Variants in SYN3 observed in about 807,000 individuals in gnomAD.
SYN3 encodes the protein synapsin III.
Under a neutral mutation model 65.8 loss-of-function variants are expected in SYN3, and 35 were observed. That is an observed-to-expected ratio of 0.53 (90% confidence interval 0.41 to 0.70). The LOEUF is 0.70. SYN3 is among the 30% of genes least tolerant of loss of function. The pLI is 0.00. For synonymous variants in SYN3, 270 were observed against 292.9 expected, an observed-to-expected ratio of 0.92 and a Z score of 0.80; for missense variants, 680 against 749.0, an observed-to-expected ratio of 0.91 and a Z score of 1.08.
At position 33,006,595 on chromosome 22, in the gene SYN3, G is replaced by T. The variant is rs112551420; in HGVS notation, c.68C>A (p.Thr23Lys). The T allele has an allele frequency of 9.0e-5, 145 of 1,612,506 alleles. No individual in the cohort carries two copies. Among genetic ancestry groups the T allele is most frequent in the Non-Finnish European group, 1.2e-4 (137 of 1,179,320 alleles). The change falls in exon 2 of 14, where the codon ACG becomes AAG. Residue 23 changes from threonine (T) to lysine (K), a missense_variant. Coordinates refer to ENST00000358763, the MANE Select transcript of SYN3 (RefSeq NM_003490.4). Reference sequence around the variant, plus strand: ...GGAGCTATCTGGGCGTTGCAGGTCCGTCATATAGCCATTAGGCAGGTTGGC... The same window carrying T: ...GGAGCTATCTGGGCGTTGCAGGTCCTTCATATAGCCATTAGGCAGGTTGGC... ...FMANLPNGYM[T>K]DLQRPDSSTS... is the part of the protein sequence containing the mutation.
At chr22:32,636,096 G>A (rs1601809522) in intron 6 of SYN3, among the ~76,000 whole-genome samples, 1 of 152,102 alleles carries the variant, frequency 6.6e-6, no homozygotes, top group Non-Finnish European at 1.5e-5. Context: ...ACCCTGACAA[G>A]GACTGTTAGA....
At chr22:33,027,146 A>G (rs1472873700) in intron 1 of SYN3, among the ~76,000 whole-genome samples, 1 of 152,184 alleles carries the variant, frequency 6.6e-6, no homozygotes, top group Non-Finnish European at 1.5e-5. Flanking sequence ...AGTGTTTCCA[A>G]TGTCAAATTC....
At chr22:32,617,165 C>A (rs1231979811) in intron 6 of SYN3, among the ~76,000 whole-genome samples, 1 of 152,174 alleles carries the variant, frequency 6.6e-6, no homozygotes, top group African/African-American at 2.4e-5. Context: ...GCTTGTTAAA[C>A]GTGCACATTA....
At chr22:32,635,836 CTGAGT>C (rs1436692085) in intron 6 of SYN3, among the ~76,000 whole-genome samples, 2 of 152,112 alleles carry the variant, frequency 1.3e-5, no homozygotes, top group Non-Finnish European at 2.9e-5. Context: ...TTTGTTTTAA[CTGAGT>C]TAACTTTTTT....
At chr22:32,592,572 C>T (rs1224322344) in intron 7 of SYN3, among the ~76,000 whole-genome samples, 1 of 152,016 alleles carries the variant, frequency 6.6e-6, no homozygotes, top group Non-Finnish European at 1.5e-5. Context: ...CCAGGCACAC[C>T]CAATCACATG....
rs533677701 is a variant in SYN3 at position 33,057,147 on chromosome 22, C to A, written c.-163+1145G>T. Reference sequence around the variant, plus strand: ...GTATTTGCAGCCAAGGACCAGAAAACAACTACAACTTACCAGCTTTCTGAT... The same window carrying A: ...GTATTTGCAGCCAAGGACCAGAAAAAAACTACAACTTACCAGCTTTCTGAT... On this transcript the variant is annotated intron_variant, in intron 1 of 13. Coordinates refer to ENST00000358763, the MANE Select transcript of SYN3 (RefSeq NM_003490.4). 2.7e-3 allele frequency among the ~76,000 whole-genome samples: 415 copies of A among 152,320 alleles called. 1 individual carries two copies. The highest frequency in any genetic ancestry group is 9.7e-3 in the African/African-American group (405 of 41,582).
chr22:32,596,645 A>G (rs1254033129), intron 7 of SYN3, 29 bp downstream of exon 7: 1 of 1,612,448 alleles, frequency 6.2e-7, no homozygotes, highest in Non-Finnish European at 8.5e-7. Context: ...GGGTGTGTCC[A>G]CTGTGAGTGG....
At chr22:32,822,936 A>C (rs370389662) in intron 6 of SYN3, among the ~76,000 whole-genome samples, 1 of 151,266 alleles carries the variant, frequency 6.6e-6, no homozygotes, top group African/African-American at 2.4e-5. Flanking sequence ...CAACAAAAAA[A>C]AAACAGAGAG....
chr22:32,870,674 C>G (rs145954167), intron 4 of SYN3, among the ~76,000 whole-genome samples: 104 of 152,302 alleles, frequency 6.8e-4, no homozygotes, highest in African/African-American at 2.3e-3. Flanking sequence ...CTCACCAGCA[C>G]TGCAGTTTTT....
intron 6 of SYN3, among the ~76,000 whole-genome samples, chr22:32,812,807 T>G (rs2046950285): frequency 6.6e-6 from 1 of 152,236 alleles, no homozygotes; most frequent in Non-Finnish European, 1.5e-5. Context: ...GGGCAGTCAC[T>G]ATCTGCTCCC....
chr22:32,558,800 C>G (rs117032903), intron 7 of SYN3, among the ~76,000 whole-genome samples: 1 of 152,228 alleles, frequency 6.6e-6, no homozygotes, highest in Non-Finnish European at 1.5e-5. Flanking sequence ...CCAAGGCAGA[C>G]TGTGCCAGGG....
chr22:32,954,842 G>A (rs1601777130), intron 3 of SYN3, among the ~76,000 whole-genome samples: 1 of 140,800 alleles, frequency 7.1e-6, no homozygotes, highest in Admixed American at 7.1e-5. Flanking sequence ...TTCTGTAAAT[G>A]TTTTTTTTTT....
intron 6 of SYN3, among the ~76,000 whole-genome samples, chr22:32,798,772 A>G (rs911546230): frequency 6.7e-6 from 1 of 148,500 alleles, no homozygotes; most frequent in Non-Finnish European, 1.5e-5. Context: ...GCTCACTGCA[A>G]GCTCCGCCTC....
At chr22:33,048,092 G>A (rs988038323) in intron 1 of SYN3, among the ~76,000 whole-genome samples, 1 of 152,090 alleles carries the variant, frequency 6.6e-6, no homozygotes, top group Non-Finnish European at 1.5e-5. Context: ...CCAACACCTG[G>A]ACACTAGTGG....
At chr22:32,956,062 A>ATATATATATAT (rs58485646) in intron 3 of SYN3, among the ~76,000 whole-genome samples, 10 of 144,898 alleles carry the variant, frequency 6.9e-5, no homozygotes, top group South Asian at 2.2e-4. Flanking sequence ...ATATATATAT[A>ATATATATATAT]AAATCTCCTA....
chr22:32,983,791 C>T (rs564732440), intron 2 of SYN3, among the ~76,000 whole-genome samples: 7 of 152,186 alleles, frequency 4.6e-5, no homozygotes, highest in Admixed American at 2.0e-4. Context: ...TGGGGCAAAG[C>T]GACAAATGGA....
chr22:32,828,129 C>T (rs1209460544), intron 6 of SYN3, among the ~76,000 whole-genome samples: 1 of 152,240 alleles, frequency 6.6e-6, no homozygotes, highest in Non-Finnish European at 1.5e-5. Flanking sequence ...GAAACTCTAA[C>T]ATTTGTTAAA....
chr22:32,958,706 T>G (rs1189314492), intron 3 of SYN3, among the ~76,000 whole-genome samples: 1 of 152,144 alleles, frequency 6.6e-6, no homozygotes, highest in Admixed American at 6.5e-5. Flanking sequence ...TATCCCCACT[T>G]TAGAAAGGGG....
intron 5 of SYN3, among the ~76,000 whole-genome samples, chr22:32,867,171 A>G (rs958251641): frequency 6.6e-6 from 1 of 152,192 alleles, no homozygotes. Flanking sequence ...ATAGCAAAAC[A>G]CCACAGACCA....
Sources: gnomAD v4.1 joint callset for allele counts (sites outside exome capture counted in the v4.1 genomes callset) on GRCh38, gnomAD v4.1.1 for gene constraint, MANE v1.5 for transcripts, NCBI Gene and HGNC (gene_info 2026-07-23, HGNC 2026-07-21) for gene names.